Variants in PRKCD observed in about 807,000 individuals in gnomAD.
The protein encoded by PRKCD is protein kinase C delta type.
PRKCD carries 20 observed loss-of-function variants against 82.2 expected under a neutral mutation model. That is an observed-to-expected ratio of 0.24 (90% CI 0.17 to 0.35). The LOEUF (loss-of-function observed/expected upper bound fraction) is 0.35, where lower values mean the gene tolerates loss of function less well. PRKCD is among the 10% of genes least tolerant of loss of function. The pLI is 1.00. For synonymous variants in PRKCD, 317 were observed against 337.0 expected (o/e 0.94, Z 0.65); for missense variants, 607 against 899.0 (o/e 0.68, Z 4.15).
At chr3:53,173,682 G>A (rs1363499159) in intron 2 of PRKCD, 2 of 152,130 alleles carry the variant, frequency 1.3e-5, no homozygotes, top group Non-Finnish European at 1.5e-5. Flanking sequence ...GGTTTCACTT[G>A]TTGGCCAGGC....
At chr3:53,187,212 C>A in intron 14 of PRKCD, 128 bp from the exon 15 acceptor site, 1 of 1,048,824 alleles carries the variant, frequency 9.5e-7, no homozygotes, top group South Asian at 1.3e-5. Context: ...TGTACTTGAT[C>A]ATGCTCAGGT....
intron 2 of PRKCD, among the ~76,000 whole-genome samples, chr3:53,171,876 G>A (rs1703042375): frequency 6.6e-6 from 1 of 152,162 alleles, no homozygotes; most frequent in South Asian, 2.1e-4. Flanking sequence ...CTTTCTCCAG[G>A]GGCAGTGAGA....
intron 5 of PRKCD, 38 bp from the exon 6 acceptor site, chr3:53,181,406 A>G (rs1260451988): frequency 1.2e-6 from 2 of 1,613,480 alleles, no homozygotes; most frequent in African/African-American, 2.7e-5. Context: ...CACCCCTTCC[A>G]GATACCAGGG....
At chr3:53,180,981 T>C (rs1703416077) in intron 4 of PRKCD, among the ~76,000 whole-genome samples, 2 of 152,048 alleles carry the variant, frequency 1.3e-5, no homozygotes, top group Admixed American at 6.5e-5. Flanking sequence ...GGCTGGACCC[T>C]TTCACTTCCC....
intron 18 of PRKCD, 40 bp from the exon 19 acceptor site, chr3:53,192,068 C>T: frequency 6.2e-7 from 1 of 1,610,538 alleles, no homozygotes; most frequent in East Asian, 2.2e-5. Context: ...GAGGGCCATT[C>T]CCTAGGTCCT....
intron 3 of PRKCD, 59 bp downstream of exon 3, chr3:53,178,596 C>G (rs1393034765): frequency 2.8e-6 from 4 of 1,450,730 alleles, no homozygotes; most frequent in East Asian, 2.3e-5. Context: ...GCTGGAAGGA[C>G]TGGAGGGGGC....
intron 2 of PRKCD, among the ~76,000 whole-genome samples, chr3:53,167,939 G>T (rs1702886589): frequency 6.6e-6 from 1 of 152,228 alleles, no homozygotes; most frequent in Non-Finnish European, 1.5e-5. Context: ...CACCCACTCA[G>T]CAGTCCAGCC....
chr3:53,170,573 C>G (rs116441280), intron 2 of PRKCD, among the ~76,000 whole-genome samples: 1 of 152,272 alleles, frequency 6.6e-6, no homozygotes, highest in African/African-American at 2.4e-5. Context: ...CACTCCTTCC[C>G]TTACACACTT....
At chr3:53,162,272 G>GGGGGC (rs1356788530) in intron 1 of PRKCD, among the ~76,000 whole-genome samples, 95 of 134,692 alleles carry the variant, frequency 7.1e-4, no homozygotes, top group African/African-American at 3.2e-3. Flanking sequence ...GAGGAGGTCG[G>GGGGGC]GGGGGGGGGT....
intron 2 of PRKCD, among the ~76,000 whole-genome samples, chr3:53,168,745 C>T (rs782725152): frequency 7.4e-5 from 11 of 148,422 alleles, no homozygotes; most frequent in African/African-American, 1.5e-4. Context: ...CTGGCTGCTT[C>T]GGGAACTGAA....
At chr3:53,184,504 C>T (rs1411086492) in intron 9 of PRKCD, among the ~76,000 whole-genome samples, 5 of 151,880 alleles carry the variant, frequency 3.3e-5, no homozygotes, top group African/African-American at 4.8e-5. Flanking sequence ...GGAAAAACCC[C>T]GTCTCTACTA....
rs781846856 is a variant in PRKCD at position 53,185,660 on chromosome 3, T to C, written c.945T>C (p.Gly315=). 1.3e-5 allele frequency: 21 copies of C among 1,612,696 alleles called. No homozygotes were observed. The African/African-American group carries it at 2.5e-4, about 19-fold the overall frequency. ...CAGAGCCTGTTGGGATATATCAGGG[T>C]TTCGAGAAGAAGACCGGAGTTGCTG... ...ASSEPVGIYQ[G]FEKKTGVAGE... Residue 315 remains glycine, a synonymous_variant, in exon 11 of 19, where the codon GGT becomes GGC. Coordinates refer to ENST00000330452, the MANE Select transcript of PRKCD (RefSeq NM_006254.4).
chr3:53,182,215 C>T (rs1204850907), intron 7 of PRKCD, among the ~76,000 whole-genome samples: 3 of 152,140 alleles, frequency 2.0e-5, no homozygotes, highest in African/African-American at 7.2e-5. Flanking sequence ...CACTTCCTAG[C>T]TATAGGGCCT....
chr3:53,162,508 T>C (rs1305421320), intron 1 of PRKCD, among the ~76,000 whole-genome samples: 1 of 152,112 alleles, frequency 6.6e-6, no homozygotes, highest in Non-Finnish European at 1.5e-5. Flanking sequence ...GGTGTGTGGG[T>C]ATGTTGTGTG....
intron 2 of PRKCD, among the ~76,000 whole-genome samples, chr3:53,177,201 T>C (rs1279413013): frequency 6.6e-6 from 1 of 152,214 alleles, no homozygotes; most frequent in Non-Finnish European, 1.5e-5. Flanking sequence ...CGTGGCACTC[T>C]GCTGCCTTGA....
At chr3:53,186,367 CCCATG>C in intron 13 of PRKCD, 27 bp downstream of exon 13, 1 of 1,612,900 alleles carries the variant, frequency 6.2e-7, no homozygotes, top group Non-Finnish European at 8.5e-7. Context: ...CCGTCACCAC[CCCATG>C]CCACAGCCAT....
At chr3:53,179,415 G>C (rs1703337124) in intron 3 of PRKCD, 162 bp from the exon 4 acceptor site, 1 of 864,690 alleles carries the variant, frequency 1.2e-6, no homozygotes, top group Non-Finnish European at 2.0e-6. Flanking sequence ...GGACCTAGCA[G>C]GGTGCCCAAG....
chr3:53,185,095 C>G (rs1413515702), intron 10 of PRKCD, 121 bp downstream of exon 10: 5 of 826,206 alleles, frequency 6.1e-6, no homozygotes, highest in Non-Finnish European at 9.6e-6. Context: ...GACTCTACTT[C>G]GGGAAGATGC....
chr3:53,176,835 T>C (rs1703228771), intron 2 of PRKCD, among the ~76,000 whole-genome samples: 1 of 152,144 alleles, frequency 6.6e-6, no homozygotes, highest in South Asian at 2.1e-4. Flanking sequence ...TTTTTTTAAT[T>C]TTTATTTTTC....
Sources: gnomAD v4.1 joint callset for allele counts (sites outside exome capture counted in the v4.1 genomes callset) on GRCh38, gnomAD v4.1.1 for gene constraint, MANE v1.5 for transcripts, NCBI Gene and HGNC (gene_info 2026-07-23, HGNC 2026-07-21) for gene names.